REXO1: variants seen among roughly 807,000 people sequenced by gnomAD.
The protein encoded by REXO1 is REX1, RNA exonuclease 1 homolog.
REXO1 carries 42 observed loss-of-function variants against 102.6 expected under a neutral mutation model. The ratio of observed to expected loss-of-function variants is 0.41; its 90% CI spans 0.32 to 0.53. The LOEUF (loss-of-function observed/expected upper bound fraction) is 0.53, where lower values mean the gene tolerates loss of function less well. REXO1 is among the 20% of genes least tolerant of loss of function. The pLI, the probability that REXO1 is intolerant of heterozygous loss-of-function variation, is 0.27. For missense variants in REXO1, 1,819 were observed against 1,732.5 expected, an observed-to-expected ratio of 1.05 and a Z score of -0.89; for synonymous variants, 908 against 779.1, an observed-to-expected ratio of 1.17 and a Z score of -2.76.
intron 1 of REXO1, among the ~76,000 whole-genome samples, chr19:1,839,904 G>A (rs938615992): frequency 3.9e-5 from 6 of 152,208 alleles, no homozygotes; most frequent in East Asian, 1.9e-4. Context: ...TCAGGACTGC[G>A]CAGGCCCACT....
At chr19:1,820,116 C>T (rs901761712) in intron 6 of REXO1, 59 bp from the exon 7 acceptor site, 6 of 1,574,314 alleles carry the variant, frequency 3.8e-6, no homozygotes, top group East Asian at 4.5e-5. Flanking sequence ...GGAGCCCCAG[C>T]GGTGGGGTCG....
Position 1,827,074 on chromosome 19 carries a change from G to A in REXO1, c.1715C>T (p.Ala572Val). Residue 572 changes from alanine to valine, a missense_variant, in exon 2 of 16, where the codon GCC (alanine) becomes GTC (valine). Coordinates refer to ENST00000170168, the MANE Select transcript of REXO1 (RefSeq NM_020695.4). ...TGGGGCGGGGGAGGGGGGCGGGGAGGCCTTGAGCCGCTTGGGCGGCCCCTG... is the reference window on the plus strand; with the variant it reads ...TGGGGCGGGGGAGGGGGGCGGGGAGACCTTGAGCCGCTTGGGCGGCCCCTG... ...EAQGPPKRLK[A>V]SPPPSPAPSS... is the part of the protein sequence containing the mutation. The A allele has an allele frequency of 6.5e-7, 1 of 1,527,038 alleles. No individual in the cohort carries two copies. Among genetic ancestry groups the A allele is most frequent in the Non-Finnish European group, 8.8e-7 (1 of 1,132,608 alleles). 94.6% of individuals were successfully genotyped at this position (1,527,038 alleles called of 1,614,324 possible). A position where few individuals can be genotyped will look rare whatever the true frequency, so the allele number is the denominator to read the frequency against.
chr19:1,817,908 T>G, intron 10 of REXO1, 128 bp from the exon 11 acceptor site: 1 of 705,830 alleles, frequency 1.4e-6, no homozygotes, highest in South Asian at 1.8e-5. Context: ...CCTCAGCCTC[T>G]TGGTGGAGCT....
chr19:1,825,479 T>TG (rs2069687171), intron 3 of REXO1, among the ~76,000 whole-genome samples: 1 of 119,324 alleles, frequency 8.4e-6, no homozygotes, highest in Non-Finnish European at 2.0e-5. Flanking sequence ...CCTTTTTTTA[T>TG]AATTTTTTTT....
Position 1,828,299 on chromosome 19 carries a change from C to T in REXO1, c.490G>A (p.Gly164Ser), listed in dbSNP as rs774162601. 6 of 1,607,548 alleles carry T rather than the reference C, an allele frequency of 3.7e-6. No individual in the cohort carries two copies. The highest frequency in any genetic ancestry group is 3.4e-5 in the Admixed American group (2 of 59,348). The stretch of plus-strand genomic sequence containing the variant: ...GCGGCCAGTGGGGTGGGCTGGTAGC[C>T]GGCATCAGGGCTTAATAGGCCGTGG... Reference protein sequence around the residue: ...GSHGLLSPDAGYQPTPLAAPA... With the variant: ...GSHGLLSPDASYQPTPLAAPA... The change falls in exon 2 of 16, where the codon GGC becomes AGC. Residue 164 changes from glycine (G) to serine (S), a missense_variant. Transcript: ENST00000170168.
At chr19:1,828,894 G>A (rs913131246) in intron 1 of REXO1, among the ~76,000 whole-genome samples, 1 of 152,256 alleles carries the variant, frequency 6.6e-6, no homozygotes, top group African/African-American at 2.4e-5. Flanking sequence ...CCTGGGTACT[G>A]GAGGCTCCCT....
rs267605353 is a variant in REXO1, at chr19:1,817,288, G to A, written c.3132C>T (p.Phe1044=). The A allele has an allele frequency of 2.7e-5, 44 of 1,613,034 alleles. No homozygotes were observed. The highest frequency in any genetic ancestry group is 3.6e-5 in the Non-Finnish European group (42 of 1,180,020). Residue 1044 remains phenylalanine (F), a synonymous_variant, in exon 12 of 16, where the codon TTC becomes TTT. Transcript: ENST00000170168. ...AGAGCTCTTTCTCAAAGGTCTTCACGAAGCCCTCAAGGCGCTCCTTCCGGC... is the reference window on the plus strand; with the variant it reads ...AGAGCTCTTTCTCAAAGGTCTTCACAAAGCCCTCAAGGCGCTCCTTCCGGC... ...QDGRKERLEG[F]VKTFEKELSG...
At chr19:1,831,323 GGT>G (rs1309659216) in intron 1 of REXO1, among the ~76,000 whole-genome samples, 4 of 152,210 alleles carry the variant, frequency 2.6e-5, no homozygotes, top group Non-Finnish European at 5.9e-5. Flanking sequence ...TCGGGCCTCA[GGT>G]GTGTTTCTTC....
At chr19:1,848,106 GCTGGGCCGAGAACGGGGACC>G (rs2011638708) in intron 1 of REXO1, 76 bp downstream of exon 1, 1 of 584,756 alleles carries the variant, frequency 1.7e-6, no homozygotes, top group South Asian at 8.9e-5. Flanking sequence ...TGGGGAGGAG[GCTGGGCCGAGAACGGGGACC>G]CCGGGCGGGA....
chr19:1,848,208 C>A lies in REXO1; in HGVS notation c.151G>T (p.Ala51Ser), dbSNP rs140861292. 3.9e-5 allele frequency: 47 copies of A among 1,218,158 alleles called. No homozygotes were observed. Among genetic ancestry groups the A allele is most frequent in the Non-Finnish European group, 4.7e-5 (46 of 975,576 alleles). The allele number at this position is 1,218,158 out of a possible 1,614,324, so 75.5% of individuals were successfully genotyped here. Residue 51 changes from alanine (A) to serine (S), a missense_variant, in exon 1 of 16, where the codon GCA becomes TCA. By Grantham distance (99) the Ala-to-Ser change is moderately conservative. Transcript: ENST00000170168. ...APGDGGEAPP[A>S]AGLGYDPYNP... ...GCAGGCGGGCGGGCATTACCTGCTG[C>A]GGGGGGCGCCTCTCCGCCGTCACCG...
At chr19:1,818,446 T>C in intron 10 of REXO1, 36 bp downstream of exon 10, 1 of 1,501,786 alleles carries the variant, frequency 6.7e-7, no homozygotes, top group African/African-American at 1.4e-5. Flanking sequence ...CCGGGGGCCA[T>C]GGGTGGGAAG....
Position 1,826,028 on chromosome 19 carries a change from T to A in REXO1, c.1912-85A>T, listed in dbSNP as rs2069709751. 2.1e-6 allele frequency: 2 copies of A among 964,796 alleles called. No homozygotes were observed. The highest frequency in any genetic ancestry group is 3.3e-6 in the Non-Finnish European group (2 of 603,350). The allele number at this position is 964,796 out of a possible 1,614,324, so 59.8% of individuals were successfully genotyped here. ...CCAACCTCAAACTGCCCCCGGCAAG[T>A]GGGGAATGGAACAGTCCAGCCCCCA... On this transcript the variant is annotated intron_variant, in intron 2 of 15. Coordinates refer to ENST00000170168, the MANE Select transcript of REXO1 (RefSeq NM_020695.4). The surrounding 1 kb of genome is among the most constrained non-coding windows in gnomAD (Gnocchi z 4.3).
intron 1 of REXO1, among the ~76,000 whole-genome samples, chr19:1,839,080 ACT>A (rs1307520284): frequency 1.3e-5 from 2 of 151,918 alleles, no homozygotes; most frequent in South Asian, 2.1e-4. Context: ...ACACGGTGAA[ACT>A]CTGTCTCTAC....
At chr19:1,819,166 A>T in intron 7 of REXO1, 35 bp from the exon 8 acceptor site, 2 of 1,503,350 alleles carry the variant, frequency 1.3e-6, no homozygotes, top group Non-Finnish European at 1.8e-6. Flanking sequence ...GAGGGTGTGA[A>T]GTAGCTGGCT....
At chr19:1,836,455 C>T (rs2070039024) in intron 1 of REXO1, among the ~76,000 whole-genome samples, 1 of 152,250 alleles carries the variant, frequency 6.6e-6, no homozygotes, top group East Asian at 1.9e-4. Context: ...CTAAAGAACC[C>T]GGCAGGCTGG....
At chr19:1,846,117 C>T (rs974362445) in intron 1 of REXO1, among the ~76,000 whole-genome samples, 10 of 148,092 alleles carry the variant, frequency 6.8e-5, no homozygotes, top group African/African-American at 2.7e-4. Flanking sequence ...TGTCTATCTC[C>T]TCTCTGGAGG....
In REXO1 at chr19:1,848,427, G is replaced by A. The variant is rs1214614557; in HGVS notation, c.-69C>T. 1 of 1,096,278 alleles carries A rather than the reference G, an allele frequency of 9.1e-7. No homozygotes were observed. Among genetic ancestry groups the A allele is most frequent in the Non-Finnish European group, 1.1e-6 (1 of 895,296 alleles). 67.9% of individuals were successfully genotyped at this position (1,096,278 alleles called of 1,614,324 possible). A position where few individuals can be genotyped will look rare whatever the true frequency, so the allele number is the denominator to read the frequency against. ...CCAGGGCCCCCTCACTGGCGCCGCG[G>A]TCGCCGCCGCCCGCGCCTCACGGAC... On this transcript the variant is annotated 5_prime_UTR_variant, in exon 1 of 16. Transcript: ENST00000170168.
At chr19:1,832,041 A>T (rs975473715) in intron 1 of REXO1, among the ~76,000 whole-genome samples, 2 of 151,906 alleles carry the variant, frequency 1.3e-5, no homozygotes, top group African/African-American at 4.8e-5. Context: ...TGAACAAAGG[A>T]CCCTGAGGGT....
At position 1,825,851 on chromosome 19, in the gene REXO1, C is replaced by T. The variant is rs1381687832; in HGVS notation, c.2004G>A (p.Lys668=). The stretch of plus-strand genomic sequence containing the variant: ...CTGCGGACCTTACCTCCTGGCCTTG[C>T]TTGGAAAGGTGGGAGATCCTCCTCT... ...GQKRRISHLS[K]QGQEVEPPRR... The change falls in exon 3 of 16, where the codon AAG becomes AAA. Residue 668 remains lysine, a synonymous_variant. Coordinates refer to ENST00000170168, the MANE Select transcript of REXO1 (RefSeq NM_020695.4). 6.2e-7 allele frequency: 1 copy of T among 1,608,716 alleles called. No homozygotes were observed. The highest frequency in any genetic ancestry group is 2.2e-5 in the East Asian group (1 of 44,774).
Sources: allele counts gnomAD v4.1 joint callset (sites outside exome capture counted in the v4.1 genomes callset), GRCh38; gene constraint gnomAD v4.1.1; non-coding constraint Gnocchi (gnomAD v3.1); transcripts MANE v1.5; gene names NCBI Gene and HGNC (gene_info 2026-07-23, HGNC 2026-07-21).